CRTAC1: variants seen among roughly 807,000 people sequenced by gnomAD.
The protein encoded by CRTAC1 is cartilage acidic protein 1, also known as acidic secreted protein in cartilage.
Under a neutral mutation model 67.8 loss-of-function variants are expected in CRTAC1, and 37 were observed. The observed-to-expected ratio is 0.55, with a 90% confidence interval of 0.42 to 0.72. The LOEUF (loss-of-function observed/expected upper bound fraction) is 0.72. Among genes scored for constraint, CRTAC1 ranks in the 30% least tolerant of loss-of-function variants. The pLI is 0.00. For synonymous variants in CRTAC1, 348 were observed against 371.0 expected, an observed-to-expected ratio of 0.94 and a Z score of 0.71; for missense variants, 780 against 931.6, an observed-to-expected ratio of 0.84 and a Z score of 2.12.
chr10:97,964,428 TC>T (rs1440776858), intron 2 of CRTAC1, among the ~76,000 whole-genome samples: 1 of 152,194 alleles, frequency 6.6e-6, no homozygotes, highest in Non-Finnish European at 1.5e-5. Flanking sequence ...TGACAGGCCA[TC>T]AGAGAATGAA....
At chr10:97,893,969 G>A (rs945257696) in intron 11 of CRTAC1, among the ~76,000 whole-genome samples, 5 of 152,162 alleles carry the variant, frequency 3.3e-5, no homozygotes, top group African/African-American at 1.2e-4. Flanking sequence ...AATATTCCAT[G>A]GAAGGGCTGT....
In CRTAC1 at chr10:97,952,351, C is replaced by CA. The variant is rs1049665428; in HGVS notation, c.225-15986dup. Among the ~76,000 whole-genome samples the CA allele has an allele frequency of 9.2e-4, 128 of 139,660 alleles. 1 individual carries two copies. The highest frequency in any genetic ancestry group is 2.3e-3 in the African/African-American group (86 of 37,472). 91.6% of individuals were successfully genotyped at this position (139,660 alleles called of 152,430 possible). On this transcript the variant is annotated intron_variant, in intron 2 of 14. Coordinates refer to ENST00000370597, the MANE Select transcript of CRTAC1 (RefSeq NM_018058.7). Reference sequence around the variant, plus strand: ...TGGGCGACAGAGTGAGACTCCATCTCAAAAAAAAATAAATAAATAAATAAA... The same window carrying CA: ...TGGGCGACAGAGTGAGACTCCATCTCAAAAAAAAAATAAATAAATAAATAAA...
chr10:97,900,926 G>A (rs1300065326), intron 8 of CRTAC1, among the ~76,000 whole-genome samples: 1 of 134,250 alleles, frequency 7.4e-6, no homozygotes, highest in African/African-American at 3.1e-5. Flanking sequence ...ATTGGACCCT[G>A]TAGCCCCTTT....
chr10:97,945,358 A>G (rs1195020668), intron 2 of CRTAC1, among the ~76,000 whole-genome samples: 2 of 152,348 alleles, frequency 1.3e-5, no homozygotes, highest in Non-Finnish European at 2.9e-5. Flanking sequence ...CTTTCTAACC[A>G]TATCTAAATG....
intron 2 of CRTAC1, among the ~76,000 whole-genome samples, chr10:97,953,086 T>C (rs1398535593): frequency 6.6e-6 from 1 of 152,052 alleles, no homozygotes; most frequent in East Asian, 1.9e-4. Context: ...TTTTATTTCA[T>C]TAGCTTTTTC....
At chr10:97,958,625 A>G (rs970478308) in intron 2 of CRTAC1, among the ~76,000 whole-genome samples, 31 of 152,130 alleles carry the variant, frequency 2.0e-4, no homozygotes, top group Admixed American at 1.1e-3. Flanking sequence ...ATTAGGGTTC[A>G]CTATTGGTTT....
chr10:97,946,872 T>C (rs887768120), intron 2 of CRTAC1, among the ~76,000 whole-genome samples: 7 of 152,118 alleles, frequency 4.6e-5, no homozygotes, highest in African/African-American at 1.4e-4. Flanking sequence ...CTCGAAACGG[T>C]CTGGTTCGAG....
chr10:97,965,615 T>C (rs1008505531), intron 2 of CRTAC1, among the ~76,000 whole-genome samples: 1 of 148,114 alleles, frequency 6.8e-6, no homozygotes, highest in African/African-American at 2.5e-5. Flanking sequence ...GGAGTTGTTG[T>C]TTTTTTTTTT....
intron 2 of CRTAC1, among the ~76,000 whole-genome samples, chr10:97,949,966 G>A (rs927147907): frequency 5.9e-5 from 9 of 152,160 alleles, no homozygotes; most frequent in African/African-American, 2.2e-4. Context: ...GACACATAAT[G>A]GGAGCTCAAA....
chr10:97,948,347 T>A (rs2051297223), intron 2 of CRTAC1, among the ~76,000 whole-genome samples: 1 of 152,148 alleles, frequency 6.6e-6, no homozygotes, highest in Non-Finnish European at 1.5e-5. Flanking sequence ...AGAAAGCTGT[T>A]TCCTTAGAGA....
At chr10:98,014,278 T>C (rs149267018) in intron 1 of CRTAC1, among the ~76,000 whole-genome samples, 218 of 152,288 alleles carry the variant, frequency 1.4e-3, no homozygotes, top group Non-Finnish European at 2.5e-3. Flanking sequence ...ACTTAATAAA[T>C]CAGAATCTGC....
chr10:97,987,597 G>T (rs902226278), intron 2 of CRTAC1, among the ~76,000 whole-genome samples: 2 of 152,178 alleles, frequency 1.3e-5, no homozygotes, highest in African/African-American at 4.8e-5. Context: ...CCCTGTGAGC[G>T]GCGTTTATGT....
At chr10:97,958,098 T>C (rs1325391879) in intron 2 of CRTAC1, among the ~76,000 whole-genome samples, 1 of 152,158 alleles carries the variant, frequency 6.6e-6, no homozygotes, top group Admixed American at 6.5e-5. Context: ...CCTGATGCCT[T>C]CTCTACTGAG....
At chr10:98,026,311 T>C (rs1334469503) in intron 1 of CRTAC1, among the ~76,000 whole-genome samples, 1 of 152,128 alleles carries the variant, frequency 6.6e-6, no homozygotes, top group Non-Finnish European at 1.5e-5. Flanking sequence ...ACCATTACAA[T>C]GAGAGGGGGA....
chr10:97,937,303 A>G (rs910411086), intron 2 of CRTAC1, among the ~76,000 whole-genome samples: 4 of 151,794 alleles, frequency 2.6e-5, no homozygotes, highest in Non-Finnish European at 5.9e-5. Context: ...CATCTCCTTT[A>G]AACCTTTGCT....
chr10:97,919,031 ACC>A (rs3838743), intron 4 of CRTAC1, among the ~76,000 whole-genome samples: 2 of 142,644 alleles, frequency 1.4e-5, no homozygotes, highest in African/African-American at 2.7e-5. Context: ...GTGATCCACC[ACC>A]CCCCCCCGCC....
intron 2 of CRTAC1, among the ~76,000 whole-genome samples, chr10:97,985,875 C>T (rs1381965510): frequency 6.6e-6 from 1 of 152,210 alleles, no homozygotes. Flanking sequence ...ACTTTGTGAA[C>T]TGCCAAGAGC....
chr10:97,939,110 GC>G (rs957945532), intron 2 of CRTAC1, among the ~76,000 whole-genome samples: 13 of 152,104 alleles, frequency 8.5e-5, no homozygotes, highest in African/African-American at 3.1e-4. Context: ...CTGCACCCCT[GC>G]CCGTTGGGTC....
chr10:97,875,065 T>C (rs1056304349), intron 14 of CRTAC1, among the ~76,000 whole-genome samples: 2 of 152,222 alleles, frequency 1.3e-5, no homozygotes, highest in Non-Finnish European at 2.9e-5. Flanking sequence ...TCACTGTACA[T>C]CACATGAACA....
Sources: allele counts gnomAD v4.1 joint callset (sites outside exome capture counted in the v4.1 genomes callset), GRCh38; gene constraint gnomAD v4.1.1; transcripts MANE v1.5; gene names NCBI Gene and HGNC (gene_info 2026-07-23, HGNC 2026-07-21).